Variants in ERBB4 observed in about 807,000 individuals in gnomAD.
The protein encoded by ERBB4 is receptor tyrosine-protein kinase erbB-4.
A neutral mutation model predicts 158.0 loss-of-function variants in ERBB4; 42 were observed. The observed-to-expected ratio is 0.27, with a 90% CI of 0.21 to 0.34. ERBB4 has a LOEUF of 0.34. ERBB4 is among the 10% of genes least tolerant of loss of function. ERBB4 has a pLI of 1.00. For missense variants in ERBB4, 1,333 were observed against 1,624.1 expected (o/e 0.82, Z 3.08); for synonymous variants, 583 against 558.7 (o/e 1.04, Z -0.61).
At chr2:212,182,876 G>T (rs1425362871) in intron 1 of ERBB4, among the ~76,000 whole-genome samples, 1 of 6,026 alleles carries the variant, frequency 1.7e-4, no homozygotes, top group Non-Finnish European at 7.2e-4. Context: ...AAGTTGGGTT[G>T]AGGTTTTTTT....
rs769707072 is a variant in ERBB4 at position 211,560,262 on chromosome 2, C to CTTTTTTTTTTTTTTTTTTTTTTTTTT, written c.2487+1615_2487+1640dup. ...CAGCACTAACAAATTTGAAGCTTAG[C>CTTTTTTTTTTTTTTTTTTTTTTTTTT]TTTTTTTTTTTTTTTTTTTTTTTTT... On this transcript the variant is annotated intron_variant, in intron 20 of 27. Coordinates refer to ENST00000342788, the MANE Select transcript of ERBB4 (RefSeq NM_005235.3). Among the ~76,000 whole-genome samples the CTTTTTTTTTTTTTTTTTTTTTTTTTT allele has an allele frequency of 2.8e-4, 13 of 46,312 alleles. 5 individuals carry two copies. The highest frequency in any genetic ancestry group is 1.2e-3 in the African/African-American group (13 of 10,454). 30.4% of individuals were successfully genotyped at this position (46,312 alleles called of 152,430 possible).
At chr2:211,426,335 G>A (rs533793911) in intron 22 of ERBB4, among the ~76,000 whole-genome samples, 1 of 152,096 alleles carries the variant, frequency 6.6e-6, no homozygotes, top group East Asian at 1.9e-4. Flanking sequence ...TGCTTATTTT[G>A]TAAAAATAAA....
intron 1 of ERBB4, among the ~76,000 whole-genome samples, chr2:212,521,575 T>C (rs1385872068): frequency 6.6e-6 from 1 of 151,900 alleles, no homozygotes; most frequent in Non-Finnish European, 1.5e-5. Context: ...CCTAGTTCTC[T>C]CCTACTACTA....
At chr2:211,926,825 C>T (rs1017970939) in intron 3 of ERBB4, among the ~76,000 whole-genome samples, 3 of 152,128 alleles carry the variant, frequency 2.0e-5, no homozygotes, top group Non-Finnish European at 4.4e-5. Flanking sequence ...GTTCTCCCCT[C>T]TTTGACCAGC....
intron 1 of ERBB4, among the ~76,000 whole-genome samples, chr2:212,511,970 C>T (rs950152578): frequency 6.6e-6 from 1 of 152,100 alleles, no homozygotes; most frequent in African/African-American, 2.4e-5. Flanking sequence ...AGTGCTTCCC[C>T]TGTGTTTCTC....
At chr2:212,320,130 A>T (rs1437832520) in intron 1 of ERBB4, among the ~76,000 whole-genome samples, 3 of 149,112 alleles carry the variant, frequency 2.0e-5, no homozygotes, top group Admixed American at 2.0e-4. Flanking sequence ...TTAGGGTTCC[A>T]GGTTTGCGGG....
At chr2:211,804,175 T>C (rs1362372094) in intron 3 of ERBB4, among the ~76,000 whole-genome samples, 2 of 152,204 alleles carry the variant, frequency 1.3e-5, no homozygotes, top group African/African-American at 4.8e-5. Flanking sequence ...CTGGCTGTCA[T>C]GTTAGTATGG....
chr2:211,700,041 A>G (rs905782847), intron 12 of ERBB4, among the ~76,000 whole-genome samples: 1 of 151,906 alleles, frequency 6.6e-6, no homozygotes, highest in African/African-American at 2.4e-5. Context: ...TTTTTTTCTG[A>G]TTCTTTTATA....
intron 3 of ERBB4, among the ~76,000 whole-genome samples, chr2:211,824,929 A>G (rs773470958): frequency 6.6e-6 from 1 of 151,936 alleles, no homozygotes; most frequent in African/African-American, 2.4e-5. Context: ...ATCTTTGTTA[A>G]TATCTCTACA....
chr2:211,488,314 T>TCACATAGA (rs1430052246), intron 20 of ERBB4, among the ~76,000 whole-genome samples: 1 of 152,068 alleles, frequency 6.6e-6, no homozygotes. Flanking sequence ...ATCACCCAAA[T>TCACATAGA]TTATTTTTGC....
At chr2:211,726,214 T>G (rs2074261858) in intron 5 of ERBB4, among the ~76,000 whole-genome samples, 1 of 152,166 alleles carries the variant, frequency 6.6e-6, no homozygotes, top group Admixed American at 6.5e-5. Flanking sequence ...CTCTGCCTCA[T>G]AAACATTAGC....
chr2:212,163,516 A>G (rs956714653), intron 1 of ERBB4, among the ~76,000 whole-genome samples: 1 of 152,076 alleles, frequency 6.6e-6, no homozygotes, highest in African/African-American at 2.4e-5. Context: ...ATCTTAGAAC[A>G]GGTAATGAGA....
intron 20 of ERBB4, among the ~76,000 whole-genome samples, chr2:211,466,911 A>C (rs1397720766): frequency 1.3e-5 from 2 of 152,068 alleles, no homozygotes; most frequent in Admixed American, 6.6e-5. Context: ...ATTTGATTAC[A>C]TGCTTTCCTT....
intron 15 of ERBB4, among the ~76,000 whole-genome samples, chr2:211,659,348 T>C (rs1407750611): frequency 6.6e-6 from 1 of 151,968 alleles, no homozygotes; most frequent in Non-Finnish European, 1.5e-5. Flanking sequence ...AAAACTAGAG[T>C]ACATAGCATT....
Position 211,713,578 on chromosome 2 carries a change from A to G in ERBB4, c.954T>C (p.Asn318=), listed in dbSNP as rs1432289205. ...TGCAAGGTTTACACATTTTAATCCCATTTTCTTCTACTTCCATCTTGGAAC... is the reference window on the plus strand; with the variant it reads ...TGCAAGGTTTACACATTTTAATCCCGTTTTCTTCTACTTCCATCTTGGAAC... ...CPSSKMEVEE[N]GIKMCKPCTD... The change falls in exon 8 of 28, where the codon AAT becomes AAC. Residue 318 remains asparagine, a synonymous_variant. Transcript: ENST00000342788. 1 of 1,612,450 alleles carries G rather than the reference A, an allele frequency of 6.2e-7. No individual in the cohort carries two copies. Among genetic ancestry groups the G allele is most frequent in the African/African-American group, 1.3e-5 (1 of 74,684 alleles).
At chr2:211,475,104 T>C (rs959368348) in intron 20 of ERBB4, among the ~76,000 whole-genome samples, 10 of 152,114 alleles carry the variant, frequency 6.6e-5, no homozygotes, top group Admixed American at 3.9e-4. Flanking sequence ...CAGGCTCTTT[T>C]ATTATTAATG....
At chr2:212,192,008 A>T (rs1447108402) in intron 1 of ERBB4, among the ~76,000 whole-genome samples, 1,638 of 65,906 alleles carry the variant, frequency 0.025, 21 homozygotes, top group African/African-American at 0.076. Context: ...GTTATATATA[A>T]TATATGTTAT....
At chr2:211,641,727 G>T (rs1019897863) in intron 16 of ERBB4, among the ~76,000 whole-genome samples, 1 of 151,974 alleles carries the variant, frequency 6.6e-6, no homozygotes, top group African/African-American at 2.4e-5. Flanking sequence ...CTAATAAGTG[G>T]CTTCAATTTT....
intron 5 of ERBB4, among the ~76,000 whole-genome samples, chr2:211,731,566 C>A (rs776756323): frequency 6.6e-6 from 1 of 152,066 alleles, no homozygotes; most frequent in South Asian, 2.1e-4. Context: ...TAAAAGAAAT[C>A]TCTTCTACAT....
Sources: gnomAD v4.1 joint callset for allele counts (sites outside exome capture counted in the v4.1 genomes callset) on GRCh38, gnomAD v4.1.1 for gene constraint, MANE v1.5 for transcripts, NCBI Gene and HGNC (gene_info 2026-07-23, HGNC 2026-07-21) for gene names.